Variants in DCT observed in about 807,000 individuals in gnomAD.
DCT encodes the protein L-dopachrome tautomerase.
In DCT, 47 loss-of-function variants were observed where a neutral mutation model predicts 53.0. The observed-to-expected ratio is 0.89, with a 90% CI of 0.70 to 1.13. DCT has a LOEUF of 1.13. Among genes scored for constraint, DCT ranks in the 50% most tolerant of loss-of-function variants. DCT has a pLI of 0.00. For synonymous variants in DCT, 244 were observed against 237.0 expected (o/e 1.03, Z -0.27); for missense variants, 669 against 637.4 (o/e 1.05, Z -0.53).
At chr13:94,548,552 T>C in the DCT span, among the ~76,000 whole-genome samples, 3 of 151,974 alleles carry the variant, frequency 2.0e-5, no homozygotes, top group Non-Finnish European at 2.9e-5. Flanking sequence ...TCCCTGCAAC[T>C]TCTCCCCTTG....
At chr13:94,513,916 G>A in the DCT span, among the ~76,000 whole-genome samples, 1 of 142,744 alleles carries the variant, frequency 7.0e-6, no homozygotes, top group Non-Finnish European at 1.5e-5. Flanking sequence ...AAACCCAGGA[G>A]GCAGAGGTTG....
chr13:94,484,049 G>A (rs1885560168), upstream of DCT, among the ~76,000 whole-genome samples: 1 of 152,166 alleles, frequency 6.6e-6, no homozygotes, highest in Non-Finnish European at 1.5e-5. Flanking sequence ...ATGTTATTTG[G>A]CTTATAAAAG....
At chr13:94,548,277 A>G in the DCT span, among the ~76,000 whole-genome samples, 1 of 152,142 alleles carries the variant, frequency 6.6e-6, no homozygotes, top group South Asian at 2.1e-4. Flanking sequence ...TGAAGAGCAA[A>G]TAATGCTGGC....
chr13:94,451,827 G>A (rs1883113663), intron 6 of DCT, among the ~76,000 whole-genome samples: 1 of 151,828 alleles, frequency 6.6e-6, no homozygotes, highest in South Asian at 2.1e-4. Context: ...GGTTTTCCAG[G>A]AAAATAAAAT....
the DCT span, among the ~76,000 whole-genome samples, chr13:94,520,996 G>A: frequency 6.6e-6 from 1 of 152,184 alleles, no homozygotes; most frequent in African/African-American, 2.4e-5. Flanking sequence ...GGCTGTCAAT[G>A]AAGACAAAGG....
chr13:94,499,310 C>T, the DCT span, among the ~76,000 whole-genome samples: 8 of 152,066 alleles, frequency 5.3e-5, no homozygotes, highest in Non-Finnish European at 7.4e-5. Context: ...GCAGTGAGAC[C>T]AAGAACCCAC....
At chr13:94,533,397 C>T in the DCT span, among the ~76,000 whole-genome samples, 12 of 152,048 alleles carry the variant, frequency 7.9e-5, no homozygotes, top group South Asian at 2.5e-3. Context: ...TTGTGACAAT[C>T]CTGTAAGACA....
intron 6 of DCT, among the ~76,000 whole-genome samples, chr13:94,455,297 A>T (rs563011561): frequency 2.0e-5 from 3 of 151,932 alleles, no homozygotes; most frequent in African/African-American, 7.2e-5. Context: ...CAGGAGGATC[A>T]CTTGAGCCCA....
At chr13:94,492,865 T>C in the DCT span, among the ~76,000 whole-genome samples, 1 of 152,332 alleles carries the variant, frequency 6.6e-6, no homozygotes, top group East Asian at 1.9e-4. Context: ...ATTGGAATTA[T>C]AGTATATATA....
At chr13:94,460,425 C>T (rs1883706827) in intron 5 of DCT, among the ~76,000 whole-genome samples, 199 bp from the exon 6 acceptor site, 1 of 152,166 alleles carries the variant, frequency 6.6e-6, no homozygotes, top group East Asian at 1.9e-4. Flanking sequence ...CTAAGCAACG[C>T]TATTTCTGAA....
chr13:94,465,562 A>T, intron 4 of DCT, 71 bp downstream of exon 4: 1 of 1,423,156 alleles, frequency 7.0e-7, no homozygotes, highest in South Asian at 1.3e-5. Flanking sequence ...CTATAAAGTG[A>T]CTTCTCCTCC....
chr13:94,449,097 A>G (rs948046905), intron 6 of DCT, among the ~76,000 whole-genome samples: 3 of 151,934 alleles, frequency 2.0e-5, no homozygotes, highest in African/African-American at 4.8e-5. Flanking sequence ...AAAAAAAACA[A>G]CACTAAATTT....
At position 94,460,233 on chromosome 13, in the gene DCT, G is replaced by A. The variant is rs767088348; in HGVS notation, c.1044-7C>T. 5 of 1,612,336 alleles carry A rather than the reference G, an allele frequency of 3.1e-6. No individual in the cohort carries two copies. In the South Asian group the frequency reaches 4.4e-5, roughly 14 times the overall value. ...AAACCCTTCCAAAGCATTCCTAGGA[G>A]AAACAAGTATATCAGTGACAACAGA... On this transcript the variant is annotated splice_region_variant and splice_polypyrimidine_tract_variant and intron_variant, in intron 5 of 7. Coordinates refer to ENST00000377028, the MANE Select transcript of DCT (RefSeq NM_001922.5).
At chr13:94,536,972 A>G in the DCT span, among the ~76,000 whole-genome samples, 1 of 152,116 alleles carries the variant, frequency 6.6e-6, no homozygotes. Flanking sequence ...GCTTCCTGAC[A>G]CTTCACCAGA....
At chr13:94,523,804 A>T in the DCT span, among the ~76,000 whole-genome samples, 2 of 152,254 alleles carry the variant, frequency 1.3e-5, no homozygotes, top group Admixed American at 6.5e-5. Flanking sequence ...GAAAATGTAT[A>T]CAATAGCGTG....
chr13:94,529,787 G>A, the DCT span, among the ~76,000 whole-genome samples: 26 of 152,152 alleles, frequency 1.7e-4, no homozygotes, highest in Non-Finnish European at 3.1e-4. Flanking sequence ...AAATAACTAA[G>A]ATCAGAGCAG....
the DCT span, among the ~76,000 whole-genome samples, chr13:94,487,963 T>C: frequency 6.6e-6 from 1 of 152,130 alleles, no homozygotes; most frequent in African/African-American, 2.4e-5. Flanking sequence ...GTTGAGTGCA[T>C]TTTTTTCATC....
At chr13:94,531,237 T>G in the DCT span, among the ~76,000 whole-genome samples, 2 of 152,190 alleles carry the variant, frequency 1.3e-5, no homozygotes, top group Non-Finnish European at 2.9e-5. Flanking sequence ...ATAGATTCAA[T>G]GCTATCCCCA....
At chr13:94,483,490 T>C (rs890396973), upstream of DCT, among the ~76,000 whole-genome samples, 8 of 151,614 alleles carry the variant, frequency 5.3e-5, no homozygotes, top group African/African-American at 1.9e-4. Context: ...TTTCATTTTC[T>C]TTCATATGAC....
Sources: gnomAD v4.1 joint callset for allele counts (sites outside exome capture counted in the v4.1 genomes callset) on GRCh38, gnomAD v4.1.1 for gene constraint, MANE v1.5 for transcripts, NCBI Gene and HGNC (gene_info 2026-07-23, HGNC 2026-07-21) for gene names.